The following C8orf88 variants were observed in gnomAD, a reference collection of about 807,000 sequenced individuals.
C8orf88 encodes the protein uncharacterized protein C8orf88.
Under a neutral mutation model 18.4 loss-of-function variants are expected in C8orf88, and 14 were observed. The observed-to-expected ratio is 0.76, with a 90% CI of 0.50 to 1.19. C8orf88 has a LOEUF of 1.19. Among genes scored for constraint, C8orf88 ranks in the 50% most tolerant of loss-of-function variants. The pLI is 0.00. For missense variants in C8orf88, 116 were observed against 134.7 expected (o/e 0.86, Z 0.69); for synonymous variants, 45 against 42.9 (o/e 1.05, Z -0.19).
Position 90,971,096 on chromosome 8 carries a change from G to A in C8orf88, c.193C>T (p.Gln65Ter), listed in dbSNP as rs1811274823. The A allele has an allele frequency of 6.6e-7, 1 of 1,518,794 alleles. No individual in the cohort carries two copies. Among genetic ancestry groups the A allele is most frequent in the East Asian group, 2.5e-5 (1 of 40,186 alleles). The allele number at this position is 1,518,794 out of a possible 1,614,324, so 94.1% of individuals were successfully genotyped here. A position where few individuals can be genotyped will look rare whatever the true frequency, so the allele number is the denominator to read the frequency against. The change falls in exon 4 of 6, where the codon CAA (glutamine) becomes TAA (stop). Residue 65 changes from glutamine to a stop codon, truncating the protein, a stop_gained. Transcript: ENST00000517562. LOFTEE classifies it high-confidence loss of function. ...TTAACTGGAGACTGCTGTTGCTGTT[G>A]CTCATTAAGACCTTGAGAAAAGGCT... ...MQAFSQGLNE[Q>*]QQQQSPVKKE...
chr8:90,979,838 C>T lies in C8orf88; in HGVS notation c.73+525G>A, dbSNP rs114494231. On this transcript the variant is annotated intron_variant, in intron 2 of 5. Transcript: ENST00000517562. The stretch of plus-strand genomic sequence containing the variant: ...AATAGCTTCATGGGCAAAAGAAAAA[C>T]ATTTTAGAATGTTTAAAATAGATAT... 8.6e-3 allele frequency among the ~76,000 whole-genome samples: 1,314 copies of T among 152,232 alleles called. 9 individuals carry two copies. The highest frequency in any genetic ancestry group is 0.014 in the Middle Eastern group (4 of 294).
chr8:90,964,511 T>C (rs558361685), intron 4 of C8orf88, among the ~76,000 whole-genome samples: 1 of 151,730 alleles, frequency 6.6e-6, no homozygotes, highest in African/African-American at 2.4e-5. Context: ...TTACAAGAAA[T>C]GCTAAAGGGA....
At chr8:90,977,728 G>T (rs1236282558) in intron 3 of C8orf88, among the ~76,000 whole-genome samples, 2 of 152,116 alleles carry the variant, frequency 1.3e-5, no homozygotes, top group African/African-American at 4.8e-5. Context: ...GATCACCTGA[G>T]GTTGGAAGTT....
chr8:90,977,127 C>A (rs10106827), intron 3 of C8orf88, among the ~76,000 whole-genome samples: 138,141 of 152,212 alleles, frequency 0.91, 62,967 homozygotes, highest in African/African-American at 0.98. Context: ...TAATAATTTG[C>A]ATTGGCAATT....
chr8:90,978,042 A>G (rs997495084), intron 3 of C8orf88, among the ~76,000 whole-genome samples: 1 of 152,170 alleles, frequency 6.6e-6, no homozygotes, highest in African/African-American at 2.4e-5. Flanking sequence ...AAACTGGTGC[A>G]ATGCTTACTT....
At chr8:90,967,416 C>T (rs774597206) in intron 4 of C8orf88, among the ~76,000 whole-genome samples, 1 of 151,820 alleles carries the variant, frequency 6.6e-6, no homozygotes, top group Non-Finnish European at 1.5e-5. Flanking sequence ...CAGAATAATA[C>T]TGGCCTCACT....
At chr8:90,966,344 G>A (rs1811196367) in intron 4 of C8orf88, among the ~76,000 whole-genome samples, 1 of 122,758 alleles carries the variant, frequency 8.1e-6, no homozygotes, top group Non-Finnish European at 1.6e-5. Context: ...CACACTTTGG[G>A]GACTGTTGTG....
intron 3 of C8orf88, among the ~76,000 whole-genome samples, chr8:90,972,417 T>TA (rs72355572): frequency 2.9e-3 from 421 of 145,482 alleles, no homozygotes; most frequent in African/African-American, 8.5e-3. Flanking sequence ...TTCTAAAAAT[T>TA]AAAAAAAAAA....
chr8:90,960,271 A>G lies in C8orf88; in HGVS notation c.330+471T>C, dbSNP rs544806374. 6.6e-5 allele frequency among the ~76,000 whole-genome samples: 10 copies of G among 151,654 alleles called. No individual in the cohort carries two copies. In the South Asian group the frequency reaches 1.9e-3, roughly 28 times the overall value. ...AGAAAAATACATGAGATGATTTGTTATAATGTATAAAAAGACTAATTGAAC... is the reference window on the plus strand; with the variant it reads ...AGAAAAATACATGAGATGATTTGTTGTAATGTATAAAAAGACTAATTGAAC... On this transcript the variant is annotated intron_variant, in intron 5 of 5. Coordinates refer to ENST00000517562, the MANE Select transcript of C8orf88 (RefSeq NM_001190972.2).
At chr8:90,971,685 A>C (rs1197821388) in intron 3 of C8orf88, among the ~76,000 whole-genome samples, 1 of 152,008 alleles carries the variant, frequency 6.6e-6, no homozygotes, top group Admixed American at 6.6e-5. Flanking sequence ...TTGAAGAGAG[A>C]CGCCTTAGTG....
intron 3 of C8orf88, among the ~76,000 whole-genome samples, chr8:90,974,117 C>A (rs1017207927): frequency 2.6e-5 from 4 of 152,058 alleles, no homozygotes; most frequent in Non-Finnish European, 5.9e-5. Context: ...TGAAACAGAT[C>A]AAAATTAGCC....
intron 3 of C8orf88, among the ~76,000 whole-genome samples, chr8:90,973,252 G>A (rs1193411467): frequency 6.6e-5 from 10 of 152,122 alleles, no homozygotes; most frequent in Non-Finnish European, 2.9e-5. Flanking sequence ...ACTGACTCTT[G>A]AAGGATCAGT....
At chr8:90,964,669 C>T (rs1469478364) in intron 4 of C8orf88, among the ~76,000 whole-genome samples, 1 of 151,532 alleles carries the variant, frequency 6.6e-6, no homozygotes, top group African/African-American at 2.4e-5. Flanking sequence ...ATTTAAAAGA[C>T]AAGTGCATAC....
intron 1 of C8orf88, among the ~76,000 whole-genome samples, chr8:90,981,239 C>T (rs1811431724): frequency 6.6e-6 from 1 of 152,090 alleles, no homozygotes. Flanking sequence ...TCCCTTGGAC[C>T]ACACTTGGTA....
rs115782207 is a variant in C8orf88, at chr8:90,982,104, C to G, written c.-26-1643G>C. Among the ~76,000 whole-genome samples the G allele has an allele frequency of 3.0e-3, 452 of 152,058 alleles. 1 individual carries two copies. Among genetic ancestry groups the G allele is most frequent in the African/African-American group, 6.7e-3 (277 of 41,486 alleles). ...CCCAAAAGTTACTATTTGGAGATAA[C>G]CCAGCAAGTACTTCAAGTTAATACC... On this transcript the variant is annotated intron_variant, in intron 1 of 5. Transcript: ENST00000517562.
chr8:90,971,529 C>T (rs2130312832), intron 3 of C8orf88, among the ~76,000 whole-genome samples: 1 of 152,000 alleles, frequency 6.6e-6, no homozygotes, highest in East Asian at 1.9e-4. Context: ...AGAGTATTTA[C>T]TTTTTTAATT....
chr8:90,968,812 G>T (rs73299912), intron 4 of C8orf88, among the ~76,000 whole-genome samples: 31,295 of 149,526 alleles, frequency 0.21, 5,653 homozygotes, highest in African/African-American at 0.49. Flanking sequence ...TTAAAATATT[G>T]TTAAACAACT....
intron 1 of C8orf88, among the ~76,000 whole-genome samples, chr8:90,981,753 G>T (rs911433005): frequency 6.6e-6 from 1 of 151,898 alleles, no homozygotes; most frequent in Non-Finnish European, 1.5e-5. Context: ...CTCTATAAAC[G>T]CTAAGTACCT....
intron 5 of C8orf88, among the ~76,000 whole-genome samples, chr8:90,959,986 ATTATCATCCTTATCAGCAATTGCAAAAC>A (rs1472922706): frequency 6.6e-6 from 1 of 151,416 alleles, no homozygotes; most frequent in African/African-American, 2.4e-5. Context: ...ACAGCCAGAG[ATTATCATCCTTATCAGCAATTGCAAAAC>A]TTATCATCCT....
Sources: gnomAD v4.1 joint callset for allele counts (sites outside exome capture counted in the v4.1 genomes callset) on GRCh38, gnomAD v4.1.1 for gene constraint, MANE v1.5 for transcripts, NCBI Gene and HGNC (gene_info 2026-07-23, HGNC 2026-07-21) for gene names.